Variants in DDX4 observed in about 807,000 individuals in gnomAD.
DDX4 encodes probable ATP-dependent RNA helicase DDX4.
Under a neutral mutation model 100.0 loss-of-function variants are expected in DDX4, and 25 were observed. The observed-to-expected ratio is 0.25, with a 90% CI of 0.18 to 0.35. DDX4 has a LOEUF of 0.35. Ranked by LOEUF, DDX4 falls within the 10% of genes least tolerant of loss-of-function variation. The pLI is 1.00. For missense variants in DDX4, 635 were observed against 882.4 expected (o/e 0.72, Z 3.55); for synonymous variants, 259 against 275.7 (o/e 0.94, Z 0.60).
In DDX4 at chr5:55,779,946, T is replaced by A. The variant is rs779513800; in HGVS notation, c.395-18T>A. On this transcript the variant is annotated intron_variant, in intron 7 of 21. Transcript: ENST00000505374. ...GTTGTTGTTTTGTGTTGTTCTTGTG[T>A]GTGTTTTAACATTATAGGCTATCGA... 7.5e-6 allele frequency: 12 copies of A among 1,609,346 alleles called. No homozygotes were observed. Among genetic ancestry groups the A allele is most frequent in the Non-Finnish European group, 1.0e-5 (12 of 1,178,070 alleles).
intron 21 of DDX4, among the ~76,000 whole-genome samples, 175 bp from the exon 22 acceptor site, chr5:55,816,288 A>G (rs960848216): frequency 6.6e-6 from 1 of 152,218 alleles, no homozygotes; most frequent in African/African-American, 2.4e-5. Flanking sequence ...CTCATTTGAC[A>G]GGAGCCTTTT....
At position 55,763,169 on chromosome 5, in the gene DDX4, T is replaced by C; in HGVS notation, c.206-6T>C. 6.2e-7 allele frequency: 1 copy of C among 1,601,030 alleles called. No homozygotes were observed. The highest frequency in any genetic ancestry group is 8.6e-7 in the Non-Finnish European group (1 of 1,168,912). ...TTAAAGAGTTTAACTGTCCACCCTT[T>C]TTCAGATGCTGGTGAGTGTAATAAG... On this transcript the variant is annotated splice_polypyrimidine_tract_variant and splice_region_variant and intron_variant, in intron 4 of 21. Coordinates refer to ENST00000505374, the MANE Select transcript of DDX4 (RefSeq NM_024415.3).
intron 2 of DDX4, among the ~76,000 whole-genome samples, chr5:55,741,785 T>C (rs1334328197): frequency 6.6e-6 from 1 of 151,042 alleles, no homozygotes; most frequent in Non-Finnish European, 1.5e-5. Context: ...CAAGACTCTG[T>C]CTGAAAAAAA....
intron 7 of DDX4, among the ~76,000 whole-genome samples, chr5:55,776,380 G>C (rs899059521): frequency 6.6e-6 from 1 of 152,178 alleles, no homozygotes; most frequent in Non-Finnish European, 1.5e-5. Flanking sequence ...GGACAGGAAA[G>C]AAGAATATTC....
chr5:55,763,642 G>T (rs1740709861), intron 5 of DDX4, among the ~76,000 whole-genome samples: 1 of 152,112 alleles, frequency 6.6e-6, no homozygotes, highest in African/African-American at 2.4e-5. Flanking sequence ...TAATTTAGTT[G>T]TATTGTCCTT....
At chr5:55,814,358 A>G (rs1025737508) in intron 19 of DDX4, among the ~76,000 whole-genome samples, 2 of 152,232 alleles carry the variant, frequency 1.3e-5, no homozygotes, top group Non-Finnish European at 2.9e-5. Flanking sequence ...TCTACATATT[A>G]GCTGTTACTT....
intron 16 of DDX4, among the ~76,000 whole-genome samples, chr5:55,791,345 C>T (rs139125386): frequency 1.3e-5 from 2 of 152,228 alleles, no homozygotes; most frequent in East Asian, 1.9e-4. Context: ...CTCTGGGTTA[C>T]TCAAAAAAAT....
chr5:55,808,125 G>T (rs1035654630), intron 18 of DDX4, among the ~76,000 whole-genome samples: 2 of 152,062 alleles, frequency 1.3e-5, no homozygotes, highest in African/African-American at 4.8e-5. Context: ...ACTGAGGCTT[G>T]TGCATTCATC....
chr5:55,799,160 T>C (rs1743146049), intron 18 of DDX4, among the ~76,000 whole-genome samples: 1 of 152,140 alleles, frequency 6.6e-6, no homozygotes, highest in Non-Finnish European at 1.5e-5. Context: ...CTCAAACTCC[T>C]GGCCTCAAGC....
Position 55,785,339 on chromosome 5 carries a change from G to T in DDX4, c.668G>T (p.Gly223Val), listed in dbSNP as rs144187220. 1 of 1,605,272 alleles carries T rather than the reference G, an allele frequency of 6.2e-7. No individual in the cohort carries two copies. Among genetic ancestry groups the T allele is most frequent in the Non-Finnish European group, 8.5e-7 (1 of 1,173,020 alleles). Residue 223 changes from glycine to valine, a missense_variant, in exon 11 of 22, where the codon GGA becomes GTA. This residue lies in a region of DDX4 where 446 missense variants were observed against 540.8 expected (regional missense o/e 0.82). Transcript: ENST00000505374. ...AATGAAGAAGTAATAACAGGCTCTGGAAAGAGTAAGTTTTCCTTAAACAAG... is the reference window on the plus strand; with the variant it reads ...AATGAAGAAGTAATAACAGGCTCTGTAAAGAGTAAGTTTTCCTTAAACAAG... Reference protein sequence around the residue: ...GLNEEVITGSGKNSWKSEAEG... With the variant: ...GLNEEVITGSVKNSWKSEAEG...
intron 17 of DDX4, among the ~76,000 whole-genome samples, chr5:55,796,106 A>G (rs181619456): frequency 2.0e-5 from 3 of 152,302 alleles, no homozygotes; most frequent in Admixed American, 6.5e-5. Context: ...GAGAGCCAGA[A>G]GAGTCAGCAG....
In DDX4 at chr5:55,760,287, T is replaced by C; in HGVS notation, c.205+10T>C. On this transcript the variant is annotated intron_variant, in intron 4 of 21. Coordinates refer to ENST00000505374, the MANE Select transcript of DDX4 (RefSeq NM_024415.3). ...AATTTTGGAAACAGAGGTAAGCATC[T>C]TTGTCTTTCCTTAATCTCCTGAACT... 1 of 1,551,664 alleles carries C rather than the reference T, an allele frequency of 6.4e-7. No individual in the cohort carries two copies. The highest frequency in any genetic ancestry group is 8.6e-7 in the Non-Finnish European group (1 of 1,157,706).
At chr5:55,791,181 T>C (rs1302977636) in intron 16 of DDX4, among the ~76,000 whole-genome samples, 2 of 152,208 alleles carry the variant, frequency 1.3e-5, no homozygotes, top group African/African-American at 4.8e-5. Flanking sequence ...TTTCTAAATC[T>C]TTAAAAAGAT....
intron 6 of DDX4, among the ~76,000 whole-genome samples, chr5:55,764,678 T>C (rs997477726): frequency 1.3e-5 from 2 of 152,226 alleles, no homozygotes; most frequent in African/African-American, 4.8e-5. Flanking sequence ...ATGAAATCTT[T>C]ATAACATAGA....
intron 10 of DDX4, among the ~76,000 whole-genome samples, chr5:55,783,838 GTTTTTTT>G (rs147016073): frequency 6.9e-6 from 1 of 144,028 alleles, no homozygotes; most frequent in Non-Finnish European, 1.5e-5. Flanking sequence ...AACCAGTAAA[GTTTTTTT>G]TTTTTTTTTA....
chr5:55,801,600 C>T (rs1743312833), intron 18 of DDX4, among the ~76,000 whole-genome samples: 2 of 152,168 alleles, frequency 1.3e-5, no homozygotes, highest in African/African-American at 4.8e-5. Context: ...GTGTCTACCT[C>T]ATGACCATAA....
chr5:55,770,276 C>G (rs1430145271), intron 7 of DDX4, among the ~76,000 whole-genome samples: 3 of 152,036 alleles, frequency 2.0e-5, no homozygotes, highest in Non-Finnish European at 4.4e-5. Flanking sequence ...GAATCTTGGT[C>G]AGTTGCAATT....
intron 17 of DDX4, among the ~76,000 whole-genome samples, chr5:55,796,614 A>G (rs777134014): frequency 1.1e-4 from 17 of 152,004 alleles, no homozygotes; most frequent in Admixed American, 2.0e-4. Context: ...CTACTTTCTT[A>G]CCTGGAGTCG....
chr5:55,748,607 TAAC>T (rs1759372478), intron 3 of DDX4, among the ~76,000 whole-genome samples: 2 of 152,186 alleles, frequency 1.3e-5, no homozygotes, highest in Non-Finnish European at 2.9e-5. Flanking sequence ...TTCTTCTAGA[TAAC>T]AAGTACTTTT....
Sources: allele counts gnomAD v4.1 joint callset (sites outside exome capture counted in the v4.1 genomes callset), GRCh38; gene constraint gnomAD v4.1.1; regional missense constraint gnomAD v4.1.1; transcripts MANE v1.5; gene names NCBI Gene and HGNC (gene_info 2026-07-23, HGNC 2026-07-21).